The following RGPD1 variants were observed in gnomAD, a reference collection of about 807,000 sequenced individuals.
RGPD1 encodes RANBP2-like and GRIP domain-containing protein 1.
RGPD1 carries 7 observed loss-of-function variants against 40.6 expected under a neutral mutation model. That is an observed-to-expected ratio of 0.17 (90% confidence interval 0.10 to 0.32). The LOEUF is 0.32. Ranked by LOEUF, RGPD1 falls within the 10% of genes least tolerant of loss-of-function variation. The pLI, the probability that RGPD1 is intolerant of heterozygous loss-of-function variation, is 1.00. For missense variants in RGPD1, 50 were observed against 472.5 expected (o/e 0.11, Z 8.29); for synonymous variants, 24 against 167.0 (o/e 0.14, Z 6.60).
intron 1 of RGPD1, chr2:86,930,896 TC>T: frequency 3.6e-6 from 2 of 561,092 alleles, no homozygotes; most frequent in Non-Finnish European, 6.1e-6. Flanking sequence ...GGAGCTTCCA[TC>T]CCCAGAGCCC....
chr2:86,913,944 G>A lies in RGPD1; in HGVS notation c.72+23G>A, dbSNP rs755540958. 8 of 1,370,536 alleles carry A rather than the reference G, an allele frequency of 5.8e-6. 1 individual carries two copies. Among genetic ancestry groups the A allele is most frequent in the East Asian group, 6.9e-5 (2 of 29,194 alleles). 84.9% of individuals were successfully genotyped at this position (1,370,536 alleles called of 1,614,324 possible). On this transcript the variant is annotated intron_variant, in intron 1 of 22. Coordinates refer to the RGPD1 transcript ENST00000398193. ...AAGGTGAGTGGATCTCGAAGAGACC[G>A]ACGGCCTCGACCTGGCGGGGCGGTG... is the stretch of plus-strand genomic sequence containing the variant.
At chr2:86,960,516 C>T (rs1411176353) in intron 6 of RGPD1, among the ~76,000 whole-genome samples, 5 of 105,242 alleles carry the variant, frequency 4.8e-5, no homozygotes, top group East Asian at 2.5e-4. Context: ...TGAGCCACCG[C>T]GCTCAGCCCA....
chr2:86,960,585 G>A (rs1287163405), intron 6 of RGPD1, among the ~76,000 whole-genome samples: 1 of 129,960 alleles, frequency 7.7e-6, no homozygotes. Flanking sequence ...TGGCCAGGAT[G>A]GTCTCGATCT....
chr2:87,000,165 AACAAG>A (rs1272387539), intron 22 of RGPD1, among the ~76,000 whole-genome samples: 1 of 125,762 alleles, frequency 8.0e-6, no homozygotes, highest in East Asian at 2.2e-4. Context: ...CCCTATAAAA[AACAAG>A]ACAGAAATCT....
At chr2:86,941,193 G>A (rs1414889769), upstream of RGPD1, among the ~76,000 whole-genome samples, 1 of 151,716 alleles carries the variant, frequency 6.6e-6, no homozygotes, top group African/African-American at 2.4e-5. Context: ...AATCTAAAAG[G>A]CTCTCACTAT....
chr2:86,942,965 G>A (rs1254624540), intron 1 of RGPD1, among the ~76,000 whole-genome samples: 5 of 152,060 alleles, frequency 3.3e-5, no homozygotes, highest in African/African-American at 1.2e-4. Flanking sequence ...TAGTACCCGC[G>A]CGGCCTAGTT....
exon 1 of RGPD1, chr2:86,913,856 C>T (rs764224426): frequency 1.0e-5 from 16 of 1,578,290 alleles, no homozygotes; most frequent in Admixed American, 3.4e-5. Flanking sequence ...TGCGATGAGG[C>T]GCAGCAAGGC....
chr2:86,943,443 T>A (rs1445496313), intron 1 of RGPD1, among the ~76,000 whole-genome samples: 2 of 152,152 alleles, frequency 1.3e-5, no homozygotes, highest in African/African-American at 2.4e-5. Context: ...CTATTTTGGA[T>A]TCAATAAGAC....
intron 1 of RGPD1, among the ~76,000 whole-genome samples, chr2:86,942,647 C>G (rs1172574073): frequency 2.9e-4 from 39 of 133,196 alleles, no homozygotes; most frequent in Non-Finnish European, 5.5e-4. Flanking sequence ...GCGCCGGCCT[C>G]GACCTGGCCG....
exon 1 of RGPD1, chr2:86,913,867 C>T: frequency 1.3e-6 from 2 of 1,581,038 alleles, no homozygotes; most frequent in Non-Finnish European, 1.7e-6. Flanking sequence ...GCAGCAAGGC[C>T]TACGGGGAGC....
chr2:86,988,461 A>C (rs1406063499), intron 20 of RGPD1, among the ~76,000 whole-genome samples: 2 of 96,780 alleles, frequency 2.1e-5, no homozygotes, highest in Non-Finnish European at 4.4e-5. Flanking sequence ...AAAAAAAAAC[A>C]AAAAAACAAA....
intron 1 of RGPD1, among the ~76,000 whole-genome samples, chr2:86,936,804 A>T (rs199516415): frequency 1.5e-5 from 2 of 131,242 alleles, no homozygotes; most frequent in Non-Finnish European, 3.2e-5. Context: ...GCATTAAGTT[A>T]TAATTGGTTC....
intron 1 of RGPD1, among the ~76,000 whole-genome samples, chr2:86,925,671 C>G (rs1322753017): frequency 6.6e-6 from 1 of 152,116 alleles, no homozygotes; most frequent in Non-Finnish European, 1.5e-5. Flanking sequence ...TGATTTAATA[C>G]AAATTAAAAT....
chr2:86,919,520 T>G (rs1443894592), intron 1 of RGPD1, among the ~76,000 whole-genome samples: 2 of 108,794 alleles, frequency 1.8e-5, no homozygotes, highest in African/African-American at 5.5e-5. Flanking sequence ...TATTTCTTAA[T>G]GCTTTGCACA....
At chr2:86,941,012 G>T (rs1390355772), upstream of RGPD1, among the ~76,000 whole-genome samples, 8 of 150,142 alleles carry the variant, frequency 5.3e-5, no homozygotes, top group Non-Finnish European at 8.9e-5. Context: ...TCCTTTTTTA[G>T]AAAGGCAATA....
intron 1 of RGPD1, chr2:86,934,847 C>T (rs1474371484): frequency 7.2e-6 from 1 of 139,146 alleles, no homozygotes; most frequent in Non-Finnish European, 1.6e-5. Context: ...GCACAACTCA[C>T]TTTTTTTTGG....
intron 1 of RGPD1, among the ~76,000 whole-genome samples, chr2:86,931,398 G>A (rs913247688): frequency 2.0e-5 from 3 of 149,968 alleles, no homozygotes; most frequent in Admixed American, 6.6e-5. Flanking sequence ...TTATGTTTTA[G>A]TTTTACAGTT....
intron 1 of RGPD1, among the ~76,000 whole-genome samples, chr2:86,928,274 A>G (rs1021318733): frequency 1.3e-5 from 2 of 152,138 alleles, no homozygotes; most frequent in Non-Finnish European, 2.9e-5. Context: ...AGTGGGAGGT[A>G]GAGAAAACCT....
intron 1 of RGPD1, among the ~76,000 whole-genome samples, chr2:86,943,605 G>T (rs935535084): frequency 1.3e-5 from 2 of 152,136 alleles, no homozygotes; most frequent in African/African-American, 4.8e-5. Flanking sequence ...TCCATAGATG[G>T]AGTTGTAACA....
Sources: allele counts gnomAD v4.1 joint callset (sites outside exome capture counted in the v4.1 genomes callset), GRCh38; gene constraint gnomAD v4.1.1; transcripts MANE v1.5; gene names NCBI Gene and HGNC (gene_info 2026-07-23, HGNC 2026-07-21).